Variants in TGFA observed in about 807,000 individuals in gnomAD.
The protein encoded by TGFA is transforming growth factor alpha.
TGFA carries 12 observed loss-of-function variants against 21.7 expected under a neutral mutation model. The observed-to-expected ratio is 0.55, with a 90% confidence interval of 0.35 to 0.90. TGFA has a LOEUF of 0.90. Ranked by LOEUF, TGFA falls within the 40% of genes least tolerant of loss-of-function variation. TGFA has a pLI of 0.01. For synonymous variants in TGFA, 79 were observed against 88.1 expected (o/e 0.90, Z 0.58); for missense variants, 178 against 210.8 (o/e 0.84, Z 0.96).
chr2:70,527,776 C>T (rs937430785), intron 1 of TGFA, among the ~76,000 whole-genome samples: 2 of 152,186 alleles, frequency 1.3e-5, no homozygotes, highest in African/African-American at 2.4e-5. Flanking sequence ...TCTAAAGCTA[C>T]TCTAAAAAAG....
chr2:70,453,813 C>T (rs929573740), intron 4 of TGFA, among the ~76,000 whole-genome samples: 1 of 151,988 alleles, frequency 6.6e-6, no homozygotes, highest in African/African-American at 2.4e-5. Flanking sequence ...TGAATTGACC[C>T]ATGGAAAAAA....
intron 2 of TGFA, among the ~76,000 whole-genome samples, chr2:70,469,238 A>G (rs1392129203): frequency 2.6e-5 from 4 of 152,166 alleles, no homozygotes; most frequent in African/African-American, 9.7e-5. Context: ...AATCTGTGGG[A>G]CAAACTTGCT....
intron 2 of TGFA, among the ~76,000 whole-genome samples, chr2:70,509,902 A>G (rs1672041474): frequency 6.6e-6 from 1 of 152,134 alleles, no homozygotes; most frequent in African/African-American, 2.4e-5. Flanking sequence ...GGGCATTTAA[A>G]AGTGTCTTTT....
intron 3 of TGFA, among the ~76,000 whole-genome samples, chr2:70,457,731 G>A (rs146118506): frequency 0.035 from 5,362 of 151,964 alleles, 142 homozygotes; most frequent in South Asian, 0.088. Context: ...TAGTAGAGAC[G>A]GGGTTTCACC....
chr2:70,521,449 G>C (rs111696372), intron 1 of TGFA, among the ~76,000 whole-genome samples: 1 of 152,008 alleles, frequency 6.6e-6, no homozygotes, highest in East Asian at 1.9e-4. Flanking sequence ...CTGAGCCTCA[G>C]TTTCCTTCAC....
At chr2:70,514,828 C>G (rs199513594) in intron 2 of TGFA, 31 bp downstream of exon 2, 1 of 1,610,614 alleles carries the variant, frequency 6.2e-7, no homozygotes, top group Non-Finnish European at 8.5e-7. Flanking sequence ...TTCCCACACA[C>G]GATCCACACA....
At position 70,537,833 on chromosome 2, in the gene TGFA, A is replaced by G. The variant is rs1403491214; in HGVS notation, c.40+15895T>C. ...AAGTTATCCAGAAGATCTAGCTAAG[A>G]CCATTGATGAAGGTGGCTACTCTGC... On this transcript the variant is annotated intron_variant, in intron 1 of 5. Transcript: ENST00000295400. Among the ~76,000 whole-genome samples the G allele has an allele frequency of 2.0e-5, 3 of 152,224 alleles. No homozygotes were observed. In the East Asian group the frequency reaches 5.8e-4, roughly 29 times the overall value.
intron 1 of TGFA, among the ~76,000 whole-genome samples, chr2:70,540,700 C>CA (rs1179878945): frequency 1.3e-5 from 2 of 151,866 alleles, no homozygotes; most frequent in African/African-American, 4.8e-5. Flanking sequence ...AGGTTAAAAA[C>CA]AAAAAAATTA....
chr2:70,513,714 G>C (rs1553501242), intron 2 of TGFA, among the ~76,000 whole-genome samples: 1 of 152,182 alleles, frequency 6.6e-6, no homozygotes, highest in African/African-American at 2.4e-5. Context: ...AGGAGGAGAA[G>C]AGACCAGGGA....
At position 70,450,863 on chromosome 2, in the gene TGFA, A is replaced by C; in HGVS notation, c.479T>G (p.Val160Gly). 6.2e-7 allele frequency: 1 copy of C among 1,609,310 alleles called. No individual in the cohort carries two copies. The highest frequency in any genetic ancestry group is 8.5e-7 in the Non-Finnish European group (1 of 1,177,600). The change falls in exon 6 of 6, where the codon GTC (valine) becomes GGC (glycine). Residue 160 changes from valine (V) to glycine (G), a missense_variant. Transcript: ENST00000295400. ...RTACCHSETV[V>G] ...CAAACTCCTCCTCTGGGCTCTTCAG[A>C]CCACTGGCAGGAAGGAAAAACAGGT...
chr2:70,468,609 C>T (rs1332324861), intron 2 of TGFA: 1 of 152,298 alleles, frequency 6.6e-6, no homozygotes, highest in South Asian at 2.1e-4. Flanking sequence ...TCCCATTGCT[C>T]ACGTTAGCTC....
rs560555798 is a variant in TGFA, at chr2:70,447,310, A to C, written c.*3549T>G. The C allele has an allele frequency of 6.5e-6, 1 of 152,796 alleles. No homozygotes were observed. The highest frequency in any genetic ancestry group is 2.1e-4 in the South Asian group (1 of 4,832). 9.5% of individuals were successfully genotyped at this position (152,796 alleles called of 1,614,324 possible). ...TTAGGAAAAAAAGATTCATTCCTTC[A>C]TCCTTCCAAATAAGGTACAGTACAA... On this transcript the variant is annotated 3_prime_UTR_variant, in exon 6 of 6. Coordinates refer to ENST00000295400, the MANE Select transcript of TGFA (RefSeq NM_003236.4).
At chr2:70,457,044 GTCC>G (rs1156983578) in intron 3 of TGFA, among the ~76,000 whole-genome samples, 7 of 152,134 alleles carry the variant, frequency 4.6e-5, no homozygotes, top group Non-Finnish European at 8.8e-5. Flanking sequence ...GAACTCTGGT[GTCC>G]TCCTATCCAT....
At chr2:70,525,287 G>A (rs1438057626) in intron 1 of TGFA, among the ~76,000 whole-genome samples, 1 of 152,178 alleles carries the variant, frequency 6.6e-6, no homozygotes, top group Non-Finnish European at 1.5e-5. Context: ...ACAAATACCA[G>A]TGTGACTTGG....
chr2:70,526,672 T>C (rs941639933), intron 1 of TGFA, among the ~76,000 whole-genome samples: 9 of 152,206 alleles, frequency 5.9e-5, no homozygotes, highest in Admixed American at 2.6e-4. Context: ...AGCTCTGCTA[T>C]GGGAAAATGG....
chr2:70,523,777 C>G (rs782219314), intron 1 of TGFA, among the ~76,000 whole-genome samples: 1 of 152,190 alleles, frequency 6.6e-6, no homozygotes, highest in Non-Finnish European at 1.5e-5. Flanking sequence ...ACTATCTTTC[C>G]CTACTTCAAG....
intron 2 of TGFA, among the ~76,000 whole-genome samples, chr2:70,504,483 T>TACATAC (rs1671857433): frequency 1.1e-5 from 1 of 92,100 alleles, no homozygotes; most frequent in African/African-American, 4.4e-5. Context: ...CATACATACA[T>TACATAC]ACACACACAC....
chr2:70,528,910 C>T (rs1162615953), intron 1 of TGFA, among the ~76,000 whole-genome samples: 1 of 152,196 alleles, frequency 6.6e-6, no homozygotes, highest in Non-Finnish European at 1.5e-5. Flanking sequence ...AGCCTCCTCT[C>T]CCTGTTCCTT....
chr2:70,492,385 A>G (rs782673696), intron 2 of TGFA, among the ~76,000 whole-genome samples: 15 of 152,360 alleles, frequency 9.8e-5, no homozygotes, highest in Admixed American at 9.8e-4. Flanking sequence ...TGGCCCTGAC[A>G]TCTTCTCAGC....
Sources: gnomAD v4.1 joint callset for allele counts (sites outside exome capture counted in the v4.1 genomes callset) on GRCh38, gnomAD v4.1.1 for gene constraint, MANE v1.5 for transcripts, NCBI Gene and HGNC (gene_info 2026-07-23, HGNC 2026-07-21) for gene names.